The following MGAT5 variants were observed in gnomAD, a reference collection of about 807,000 sequenced individuals.
The protein encoded by MGAT5 is alpha-1,6-mannosylglycoprotein 6-beta-N-acetylglucosaminyltransferase A.
Under a neutral mutation model 94.3 loss-of-function variants are expected in MGAT5, and 30 were observed. The ratio of observed to expected loss-of-function variants is 0.32; its 90% confidence interval spans 0.24 to 0.43. The LOEUF (loss-of-function observed/expected upper bound fraction) is 0.43, where lower values mean the gene tolerates loss of function less well. Among genes scored for constraint, MGAT5 ranks in the 20% least tolerant of loss-of-function variants. The pLI is 1.00. For synonymous variants in MGAT5, 310 were observed against 322.9 expected (o/e 0.96, Z 0.43); for missense variants, 691 against 905.5 (o/e 0.76, Z 3.04).
At chr2:134,129,882 C>T (rs1686043198) in intron 1 of MGAT5, among the ~76,000 whole-genome samples, 1 of 152,208 alleles carries the variant, frequency 6.6e-6, no homozygotes, top group African/African-American at 2.4e-5. Flanking sequence ...ACTGTGGGAG[C>T]CCCTCTCTGG....
intron 4 of MGAT5, among the ~76,000 whole-genome samples, chr2:134,334,517 T>TTTTTTTC: frequency 6.8e-6 from 1 of 147,114 alleles, no homozygotes; most frequent in African/African-American, 2.5e-5. Flanking sequence ...TTTTTTTTTT[T>TTTTTTTC]TTGCAGGGTT....
At chr2:134,448,269 C>T (rs1367852027) in intron 15 of MGAT5, among the ~76,000 whole-genome samples, 6 of 152,186 alleles carry the variant, frequency 3.9e-5, no homozygotes, top group Non-Finnish European at 8.8e-5. Context: ...GACTCTCCTG[C>T]TCCTCTCTTC....
At position 134,349,951 on chromosome 2, in the gene MGAT5, G is replaced by GT; in HGVS notation, c.1246+16dup. 6.2e-7 allele frequency: 1 copy of GT among 1,612,976 alleles called. No homozygotes were observed. Among genetic ancestry groups the GT allele is most frequent in the African/African-American group, 1.3e-5 (1 of 74,982 alleles). ...TATACCATGTTCCGTGAGTATTCCTGTTTCATGTATGCTTTCCAGAATGCC... is the reference window on the plus strand; with the variant it reads ...TATACCATGTTCCGTGAGTATTCCTGTTTTCATGTATGCTTTCCAGAATGCC... On this transcript the variant is annotated intron_variant, in intron 9 of 15. Transcript: ENST00000281923.
At chr2:134,292,372 T>A (rs1050619783) in intron 2 of MGAT5, among the ~76,000 whole-genome samples, 2 of 152,048 alleles carry the variant, frequency 1.3e-5, no homozygotes, top group Admixed American at 1.3e-4. Context: ...CTGGAGGAGG[T>A]CAGTGAAGGT....
In MGAT5 at chr2:134,357,090, G is replaced by T. The variant is rs150352422; in HGVS notation, c.1247-5185G>T. 2.7e-3 allele frequency among the ~76,000 whole-genome samples: 413 copies of T among 152,262 alleles called. 7 individuals carry two copies. The highest frequency in any genetic ancestry group is 0.023 in the East Asian group (120 of 5,182). ...CTGGAACTCTAACATCCTGAAGAGT[G>T]GCTGGCACATAGTAGGCATTCAGAA... On this transcript the variant is annotated intron_variant, in intron 9 of 15. Transcript: ENST00000281923.
intron 1 of MGAT5, among the ~76,000 whole-genome samples, chr2:134,168,877 G>A (rs1385792548): frequency 1.3e-5 from 2 of 152,214 alleles, no homozygotes; most frequent in African/African-American, 2.4e-5. Flanking sequence ...TGGGAGAGAC[G>A]TCGTCCATAG....
chr2:134,276,139 G>T (rs1279134168), intron 2 of MGAT5, among the ~76,000 whole-genome samples: 1 of 151,788 alleles, frequency 6.6e-6, no homozygotes. Flanking sequence ...CCTTTTCCTA[G>T]CAAGGCTGTT....
intron 9 of MGAT5, among the ~76,000 whole-genome samples, chr2:134,357,990 C>T (rs982390704): frequency 1.3e-5 from 2 of 151,724 alleles, no homozygotes; most frequent in Non-Finnish European, 2.9e-5. Context: ...TTTTTTCTAC[C>T]GTCGGTTTTA....
At chr2:134,428,129 T>C (rs1684687674) in intron 13 of MGAT5, among the ~76,000 whole-genome samples, 1 of 152,232 alleles carries the variant, frequency 6.6e-6, no homozygotes, top group Non-Finnish European at 1.5e-5. Flanking sequence ...GAGGTGAGTT[T>C]TTCTTATCAC....
chr2:134,437,830 C>T (rs1685252837), intron 14 of MGAT5, among the ~76,000 whole-genome samples: 2 of 152,052 alleles, frequency 1.3e-5, no homozygotes, highest in South Asian at 4.1e-4. Flanking sequence ...GCCTGGCAAA[C>T]ATGGCGAAAC....
chr2:134,376,559 T>A (rs1224261575), intron 10 of MGAT5, among the ~76,000 whole-genome samples: 1 of 152,178 alleles, frequency 6.6e-6, no homozygotes, highest in Non-Finnish European at 1.5e-5. Context: ...GACCGATCCC[T>A]CACTATTTGG....
At chr2:134,335,874 A>T (rs1688304605) in intron 4 of MGAT5, among the ~76,000 whole-genome samples, 1 of 152,178 alleles carries the variant, frequency 6.6e-6, no homozygotes, top group African/African-American at 2.4e-5. Flanking sequence ...CTCATTCCCC[A>T]GTGGCAATGT....
chr2:134,278,298 G>T (rs1447158399), intron 2 of MGAT5, among the ~76,000 whole-genome samples: 1 of 152,134 alleles, frequency 6.6e-6, no homozygotes, highest in African/African-American at 2.4e-5. Flanking sequence ...GGCCATCTTT[G>T]CATGGTGAGG....
chr2:134,406,909 A>G (rs1194473054), intron 11 of MGAT5, among the ~76,000 whole-genome samples: 1 of 152,122 alleles, frequency 6.6e-6, no homozygotes, highest in African/African-American at 2.4e-5. Flanking sequence ...GCTGTCTGAA[A>G]TACCCAGGGC....
intron 10 of MGAT5, among the ~76,000 whole-genome samples, chr2:134,390,316 C>T (rs1389055329): frequency 6.6e-6 from 1 of 152,144 alleles, no homozygotes; most frequent in Non-Finnish European, 1.5e-5. Context: ...AAATCAAACA[C>T]CAAAAACAAA....
intron 4 of MGAT5, among the ~76,000 whole-genome samples, chr2:134,321,243 CAA>C (rs1434774051): frequency 1.3e-5 from 2 of 151,612 alleles, no homozygotes; most frequent in Admixed American, 6.6e-5. Context: ...GTTTAATTTT[CAA>C]AAGTTTTATT....
intron 10 of MGAT5, among the ~76,000 whole-genome samples, chr2:134,400,856 T>C (rs1683006529): frequency 1.3e-5 from 2 of 152,116 alleles, no homozygotes; most frequent in Admixed American, 1.3e-4. Context: ...GGCCTCCTTG[T>C]AGATGAGTGA....
chr2:134,317,471 G>C, intron 2 of MGAT5, 58 bp from the exon 3 acceptor site: 1 of 1,296,752 alleles, frequency 7.7e-7, no homozygotes, highest in Non-Finnish European at 1.1e-6. Flanking sequence ...TTACAAGAAT[G>C]TTAGGCTTGT....
chr2:134,424,645 G>A (rs963571128), intron 13 of MGAT5, among the ~76,000 whole-genome samples: 6 of 152,154 alleles, frequency 3.9e-5, no homozygotes, highest in Admixed American at 2.0e-4. Flanking sequence ...TAGGGCTGCC[G>A]TAACACAGTA....
Sources: gnomAD v4.1 joint callset for allele counts (sites outside exome capture counted in the v4.1 genomes callset) on GRCh38, gnomAD v4.1.1 for gene constraint, MANE v1.5 for transcripts, NCBI Gene and HGNC (gene_info 2026-07-23, HGNC 2026-07-21) for gene names.